Variants in ICMT observed in about 807,000 individuals in gnomAD.
ICMT encodes isoprenylcysteine carboxyl methyltransferase, also known as protein-S-isoprenylcysteine O-methyltransferase.
A neutral mutation model predicts 32.2 loss-of-function variants in ICMT; 10 were observed. The ratio of observed to expected loss-of-function variants is 0.31; its 90% CI spans 0.19 to 0.53. ICMT has a LOEUF of 0.53. ICMT is among the 20% of genes least tolerant of loss of function. ICMT has a pLI of 0.96. For synonymous variants in ICMT, 183 were observed against 158.2 expected (o/e 1.16, Z -1.18); for missense variants, 265 against 356.9 (o/e 0.74, Z 2.07).
At chr1:6,233,874 A>T (rs911474189) in intron 2 of ICMT, among the ~76,000 whole-genome samples, 10 of 152,104 alleles carry the variant, frequency 6.6e-5, no homozygotes, top group African/African-American at 2.4e-4. Context: ...TTTGAGACAG[A>T]GTCTCGCTGT....
rs567385892 is a variant in ICMT, at chr1:6,226,783, C to T, written c.673-1521G>A. Among the ~76,000 whole-genome samples the T allele has an allele frequency of 6.6e-5, 10 of 152,248 alleles. No individual in the cohort carries two copies. In the East Asian group the frequency reaches 1.7e-3, roughly 26 times the overall value. On this transcript the variant is annotated intron_variant, in intron 4 of 4. Transcript: ENST00000343813. ...TAAAGACAGGGTCTCACTATATTGC[C>T]CAGGCTGGACTTGAACTCTTGGCCT...
chr1:6,225,335 T>C, intron 4 of ICMT, 73 bp from the exon 5 acceptor site: 1 of 1,415,088 alleles, frequency 7.1e-7, no homozygotes, highest in South Asian at 1.3e-5. Context: ...GGCGTCTGTC[T>C]CTAATACCCA....
At chr1:6,232,667 G>A (rs1036705554) in intron 3 of ICMT, among the ~76,000 whole-genome samples, 2 of 152,098 alleles carry the variant, frequency 1.3e-5, no homozygotes, top group East Asian at 3.9e-4. Flanking sequence ...TCCTGCCTCA[G>A]CCTCCCAAGT....
In ICMT at chr1:6,231,962, C is replaced by T. The variant is rs765788132; in HGVS notation, c.612G>A (p.Val204=). The T allele has an allele frequency of 3.1e-6, 5 of 1,611,696 alleles. No homozygotes were observed. In the Admixed American group the frequency reaches 8.3e-5, roughly 27 times the overall value. ...AAGAAGGATGCCGAAACCAAGCGTA[C>T]ACTCCACTGGTCACCAGAGTATGTG... ...SDTHTLVTSG[V]YAWFRHPSYV... is the part of the protein sequence containing the mutation. Residue 204 remains valine (V), a synonymous_variant, in exon 4 of 5, where the codon GTG becomes GTA. Transcript: ENST00000343813.
intron 2 of ICMT, 129 bp from the exon 3 acceptor site, chr1:6,233,772 A>T: frequency 1.4e-6 from 1 of 691,134 alleles, no homozygotes; most frequent in Admixed American, 3.1e-5. Flanking sequence ...GAGTGGACAC[A>T]GGTACCCATC....
chr1:6,227,016 A>G (rs1171025513), intron 4 of ICMT, among the ~76,000 whole-genome samples: 1 of 152,266 alleles, frequency 6.6e-6, no homozygotes, highest in Non-Finnish European at 1.5e-5. Context: ...AGTTCTCTAT[A>G]GCAGGCTGCA....
chr1:6,229,064 G>A (rs1414865572), intron 4 of ICMT, among the ~76,000 whole-genome samples: 8 of 151,378 alleles, frequency 5.3e-5, no homozygotes, highest in African/African-American at 1.9e-4. Flanking sequence ...AGAAATACAT[G>A]TGGTGGCTCA....
At position 6,225,069 on chromosome 1, in the gene ICMT, G is replaced by A. The variant is rs1262775518; in HGVS notation, c.*11C>T. The A allele has an allele frequency of 1.2e-6, 2 of 1,608,980 alleles. No individual in the cohort carries two copies. Among genetic ancestry groups the A allele is most frequent in the African/African-American group, 2.7e-5 (2 of 74,788 alleles). On this transcript the variant is annotated 3_prime_UTR_variant, in exon 5 of 5. Coordinates refer to ENST00000343813, the MANE Select transcript of ICMT (RefSeq NM_012405.4). ...GGTCGGAGGCCCCAAGGTCACCGGGGCCACTGCCCGTCACAGGTCCACCTT... is the reference window on the plus strand; with the variant it reads ...GGTCGGAGGCCCCAAGGTCACCGGGACCACTGCCCGTCACAGGTCCACCTT...
rs1668771505 is a variant in ICMT at position 6,233,657 on chromosome 1, A to G, written c.285-14T>C. 6.2e-7 allele frequency: 1 copy of G among 1,605,710 alleles called. No individual in the cohort carries two copies. On this transcript the variant is annotated splice_polypyrimidine_tract_variant and intron_variant, in intron 2 of 4. Transcript: ENST00000343813. ...GAGCACATGTACCTATTTAAAGACAAAAAGAGAGTTAAGTTGGGACAAGAG... is the reference window on the plus strand; with the variant it reads ...GAGCACATGTACCTATTTAAAGACAGAAAGAGAGTTAAGTTGGGACAAGAG...
chr1:6,232,783 T>C (rs914922829), intron 3 of ICMT, among the ~76,000 whole-genome samples: 1 of 152,002 alleles, frequency 6.6e-6, no homozygotes, highest in African/African-American at 2.4e-5. Flanking sequence ...CCTGACCTCA[T>C]GTGATCCACC....
chr1:6,235,026 T>G, intron 1 of ICMT, 52 bp from the exon 2 acceptor site: 1 of 1,466,394 alleles, frequency 6.8e-7, no homozygotes, highest in Non-Finnish European at 9.5e-7. Flanking sequence ...AGAGTACAGA[T>G]CTGGGCTGCT....
chr1:6,227,842 C>T (rs976753865), intron 4 of ICMT, among the ~76,000 whole-genome samples: 15 of 150,894 alleles, frequency 9.9e-5, no homozygotes, highest in African/African-American at 3.4e-4. Flanking sequence ...GGCGACAGAG[C>T]GAGACTCTGT....
intron 1 of ICMT, 40 bp downstream of exon 1, chr1:6,235,677 C>A: frequency 8.8e-7 from 1 of 1,142,222 alleles, no homozygotes; most frequent in Admixed American, 4.9e-5. Context: ...CGGACCGCCG[C>A]CCGCCCCGCC....
intron 4 of ICMT, among the ~76,000 whole-genome samples, chr1:6,229,805 CACACACACACACACACACAT>C (rs562900889): frequency 0.021 from 2,983 of 145,476 alleles, 43 homozygotes; most frequent in Non-Finnish European, 0.032. Context: ...CACACACACA[CACACACACACACACACACAT>C]AGAGCAGGTG....
At chr1:6,234,783 C>A in intron 2 of ICMT, 103 bp downstream of exon 2, 1 of 886,986 alleles carries the variant, frequency 1.1e-6, no homozygotes, top group Non-Finnish European at 1.9e-6. Flanking sequence ...CCTGAACAGC[C>A]TTCTGCCGGT....
chr1:6,230,449 G>A (rs1438222609), intron 4 of ICMT, among the ~76,000 whole-genome samples: 1 of 152,028 alleles, frequency 6.6e-6, no homozygotes, highest in Non-Finnish European at 1.5e-5. Flanking sequence ...CGGACGTGGT[G>A]GCAACACCTG....
chr1:6,223,527 CT>C lies in ICMT; in HGVS notation c.*1552del, dbSNP rs1668594180. 1 of 152,354 alleles carries C rather than the reference CT, an allele frequency of 6.6e-6. No individual in the cohort carries two copies. Among genetic ancestry groups the C allele is most frequent in the Non-Finnish European group, 1.5e-5 (1 of 68,030 alleles). The allele number at this position is 152,354 out of a possible 1,614,324, so 9.4% of individuals were successfully genotyped here. Reference sequence around the variant, plus strand: ...GTCATATTTCTGAGTTGATAAAATGCTTTTCTGAACATACATTTTAGGTATC... The same window carrying C: ...GTCATATTTCTGAGTTGATAAAATGCTTTCTGAACATACATTTTAGGTATC... On this transcript the variant is annotated 3_prime_UTR_variant, in exon 5 of 5. Transcript: ENST00000343813.
chr1:6,235,726 A>G lies in ICMT; in HGVS notation c.186T>C (p.Pro62=). Residue 62 remains proline, a synonymous_variant, in exon 1 of 5, where the codon CCT becomes CCC. Transcript: ENST00000343813. ...NALLLLLYRP[P]RYQIAIRACF... is the part of the protein sequence containing the mutation. ...CCCCGCCGGCCTGCACCTGGTAGCG[A>G]GGCGGCCGATAGAGCAGCAGCAGCA... The G allele has an allele frequency of 7.8e-7, 1 of 1,289,502 alleles. No individual in the cohort carries two copies. Among genetic ancestry groups the G allele is most frequent in the Non-Finnish European group, 9.9e-7 (1 of 1,009,406 alleles). The allele number at this position is 1,289,502 out of a possible 1,614,324, so 79.9% of individuals were successfully genotyped here.
In ICMT at chr1:6,225,103, T is replaced by C; in HGVS notation, c.832A>G (p.Lys278Glu). 1 of 1,613,744 alleles carries C rather than the reference T, an allele frequency of 6.2e-7. No individual in the cohort carries two copies. Among genetic ancestry groups the C allele is most frequent in the Non-Finnish European group, 8.5e-7 (1 of 1,179,724 alleles). The change falls in exon 5 of 5, where the codon AAG (lysine) becomes GAG (glutamate). Residue 278 changes from lysine (K) to glutamate (E), a missense_variant. Physicochemically the swap from Lys to Glu is moderately conservative, Grantham distance 56. Around this residue, in one of 2 missense-constraint regions of ICMT, gnomAD observed 166 missense variants for 264.3 expected, o/e 0.63. Transcript: ENST00000343813. The stretch of plus-strand genomic sequence containing the variant: ...CGTCACAGGTCCACCTTGACCCCCT[T>C]TATGAAAGGCAGGCCCGTGGGCACC... ...KRVPTGLPFI[K>E]GVKVDL
Sources: gnomAD v4.1 joint callset for allele counts (sites outside exome capture counted in the v4.1 genomes callset) on GRCh38, gnomAD v4.1.1 for gene constraint, gnomAD v4.1.1 regional missense constraint, MANE v1.5 for transcripts, NCBI Gene and HGNC (gene_info 2026-07-23, HGNC 2026-07-21) for gene names.